The following STK32B variants were observed in gnomAD, a reference collection of about 807,000 sequenced individuals.
The protein encoded by STK32B is serine/threonine-protein kinase 32B.
STK32B carries 43 observed loss-of-function variants against 52.6 expected under a neutral mutation model. The ratio of observed to expected loss-of-function variants is 0.82; its 90% CI spans 0.64 to 1.05. STK32B has a LOEUF of 1.05. Ranked by LOEUF, STK32B falls within the 50% of genes least tolerant of loss-of-function variation. STK32B has a pLI of 0.00. For missense variants in STK32B, 621 were observed against 534.6 expected (o/e 1.16, Z -1.59); for synonymous variants, 238 against 204.3 (o/e 1.17, Z -1.41).
chr4:5,329,465 AC>A (rs961288335), intron 3 of STK32B, among the ~76,000 whole-genome samples: 1 of 151,912 alleles, frequency 6.6e-6, no homozygotes, highest in Admixed American at 6.6e-5. Context: ...GACCCAGTAA[AC>A]CCCTCATGGG....
At chr4:5,224,334 T>C (rs573586187) in intron 3 of STK32B, among the ~76,000 whole-genome samples, 2 of 152,214 alleles carry the variant, frequency 1.3e-5, no homozygotes, top group Non-Finnish European at 2.9e-5. Flanking sequence ...TGCACTTAGC[T>C]CCAGCTTGTC....
chr4:5,472,566 G>T (rs1342094095), intron 11 of STK32B, among the ~76,000 whole-genome samples: 1 of 152,154 alleles, frequency 6.6e-6, no homozygotes, highest in Admixed American at 6.5e-5. Flanking sequence ...AAAGATCTGA[G>T]CAGGGCTGAT....
chr4:5,281,962 T>C (rs12332051), intron 3 of STK32B, among the ~76,000 whole-genome samples: 21,337 of 152,202 alleles, frequency 0.14, 3,440 homozygotes, highest in African/African-American at 0.39. Context: ...TATTTTTAAT[T>C]CATTCTTAAT....
chr4:5,178,525 C>T (rs1233209925), intron 3 of STK32B, among the ~76,000 whole-genome samples: 4 of 152,200 alleles, frequency 2.6e-5, no homozygotes, highest in Admixed American at 6.5e-5. Context: ...TTTCTACAGC[C>T]GCCTTGAATT....
At chr4:5,407,370 C>G (rs534055904) in intron 5 of STK32B, among the ~76,000 whole-genome samples, 1 of 152,144 alleles carries the variant, frequency 6.6e-6, no homozygotes, top group Non-Finnish European at 1.5e-5. Flanking sequence ...CCTCCGCACT[C>G]TTCCAACCTC....
At chr4:5,045,189 T>C in the STK32B span, among the ~76,000 whole-genome samples, 1 of 152,252 alleles carries the variant, frequency 6.6e-6, no homozygotes, top group Non-Finnish European at 1.5e-5. Context: ...TTGAGCCACC[T>C]GCCAGGCTCT....
Position 5,416,939 on chromosome 4 carries a change from G to A in STK32B, c.562+5G>A. ...CTGGCACCAAGCCCTACATGGGTGA[G>A]TGTTCCAGGCCCCTTCTTTTCATGT... On this transcript the variant is annotated splice_donor_5th_base_variant and intron_variant, in intron 6 of 11. Coordinates refer to ENST00000282908, the MANE Select transcript of STK32B (RefSeq NM_018401.3). The A allele has an allele frequency of 6.2e-7, 1 of 1,610,480 alleles. No individual in the cohort carries two copies. Among genetic ancestry groups the A allele is most frequent in the Non-Finnish European group, 8.5e-7 (1 of 1,178,280 alleles).
chr4:5,465,048 G>A (rs1419858527), intron 9 of STK32B, among the ~76,000 whole-genome samples: 1 of 152,102 alleles, frequency 6.6e-6, no homozygotes, highest in African/African-American at 2.4e-5. Flanking sequence ...GCAGGGGAAG[G>A]GAGAGGCCAT....
intron 3 of STK32B, among the ~76,000 whole-genome samples, chr4:5,188,905 C>G (rs147282883): frequency 0.02 from 3,071 of 151,690 alleles, 94 homozygotes; most frequent in African/African-American, 0.07. Context: ...GGAGAAATAC[C>G]TAATGTAAAT....
At chr4:5,321,402 A>G (rs2108938526) in intron 3 of STK32B, among the ~76,000 whole-genome samples, 1 of 152,270 alleles carries the variant, frequency 6.6e-6, no homozygotes, top group East Asian at 1.9e-4. Context: ...GTCTTTTGGA[A>G]TTTGGCCCAA....
chr4:5,486,562 C>G (rs1332489124), intron 11 of STK32B, among the ~76,000 whole-genome samples: 1 of 152,356 alleles, frequency 6.6e-6, no homozygotes, highest in East Asian at 1.9e-4. Context: ...CCTGCTTTGG[C>G]TCACGCTCGG....
At chr4:5,434,152 T>A (rs1462591219) in intron 6 of STK32B, among the ~76,000 whole-genome samples, 1 of 152,066 alleles carries the variant, frequency 6.6e-6, no homozygotes, top group Non-Finnish European at 1.5e-5. Context: ...CTCACAAGAA[T>A]CCATAAAGCA....
intron 5 of STK32B, among the ~76,000 whole-genome samples, chr4:5,407,486 A>G (rs1352539119): frequency 6.6e-6 from 1 of 152,158 alleles, no homozygotes; most frequent in East Asian, 1.9e-4. Context: ...TCACACTGCT[A>G]TAAAGAACTA....
At chr4:5,352,876 C>G (rs1733928189) in intron 4 of STK32B, among the ~76,000 whole-genome samples, 1 of 151,990 alleles carries the variant, frequency 6.6e-6, no homozygotes, top group African/African-American at 2.4e-5. Context: ...ATGAAAATAC[C>G]AACATCATTT....
intron 1 of STK32B, among the ~76,000 whole-genome samples, chr4:5,112,798 G>C (rs1714477155): frequency 6.6e-6 from 1 of 152,186 alleles, no homozygotes; most frequent in African/African-American, 2.4e-5. Flanking sequence ...CAAAGAGCTG[G>C]TGAAGAACAT....
chr4:5,164,430 A>AGG (rs1718706377), intron 2 of STK32B, among the ~76,000 whole-genome samples: 1 of 152,144 alleles, frequency 6.6e-6, no homozygotes. Flanking sequence ...GGTTGATCTC[A>AGG]TCCTGAGATC....
At position 5,091,262 on chromosome 4, in the gene STK32B, C is replaced by T. The variant is rs569109557; in HGVS notation, c.52+39347C>T. ...ATCAAAATTAAATATTTTTATGCATCGAAGGACACTATCAAGAAAAGGTAA... is the reference window on the plus strand; with the variant it reads ...ATCAAAATTAAATATTTTTATGCATTGAAGGACACTATCAAGAAAAGGTAA... On this transcript the variant is annotated intron_variant, in intron 1 of 11. Transcript: ENST00000282908. 7.2e-5 allele frequency among the ~76,000 whole-genome samples: 11 copies of T among 152,004 alleles called. No homozygotes were observed. The South Asian group carries it at 1.5e-3, about 20-fold the overall frequency.
chr4:5,295,778 G>T (rs1417376456), intron 3 of STK32B, among the ~76,000 whole-genome samples: 1 of 151,878 alleles, frequency 6.6e-6, no homozygotes, highest in Non-Finnish European at 1.5e-5. Flanking sequence ...CTTCATTTCT[G>T]CTCTGATCTT....
Position 5,166,378 on chromosome 4 carries a change from G to A in STK32B, c.109-1921G>A, listed in dbSNP as rs916379719. On this transcript the variant is annotated intron_variant, in intron 2 of 11. Transcript: ENST00000282908. ...TAATAGTCATTGTCCTTGATGGAAC[G>A]GTGTCCCACCCCTCCAAATTCAACT... is the stretch of plus-strand genomic sequence containing the variant. 4.6e-5 allele frequency among the ~76,000 whole-genome samples: 7 copies of A among 151,204 alleles called. No individual in the cohort carries two copies. The South Asian group carries it at 8.5e-4, about 18-fold the overall frequency.
Sources: allele counts gnomAD v4.1 joint callset (sites outside exome capture counted in the v4.1 genomes callset), GRCh38; gene constraint gnomAD v4.1.1; transcripts MANE v1.5; gene names NCBI Gene and HGNC (gene_info 2026-07-23, HGNC 2026-07-21).